Variants in CAMK1D observed in about 807,000 individuals in gnomAD.
CAMK1D encodes the protein calcium/calmodulin dependent protein kinase ID.
Under a neutral mutation model 47.7 loss-of-function variants are expected in CAMK1D, and 9 were observed. That is an observed-to-expected ratio of 0.19 (90% confidence interval 0.11 to 0.33). The LOEUF (loss-of-function observed/expected upper bound fraction) is 0.33. Among genes scored for constraint, CAMK1D ranks in the 10% least tolerant of loss-of-function variants. The pLI is 1.00. For missense variants in CAMK1D, 291 were observed against 488.7 expected (o/e 0.60, Z 3.81); for synonymous variants, 184 against 184.9 (o/e 0.99, Z 0.04).
At chr10:12,760,195 G>T (rs751664381) in intron 3 of CAMK1D, among the ~76,000 whole-genome samples, 2 of 152,126 alleles carry the variant, frequency 1.3e-5, no homozygotes, top group Non-Finnish European at 2.9e-5. Flanking sequence ...CCCCCACAGG[G>T]CTTCTTGACC....
At chr10:12,682,151 C>T (rs370763306) in intron 3 of CAMK1D, among the ~76,000 whole-genome samples, 1 of 152,238 alleles carries the variant, frequency 6.6e-6, no homozygotes, top group Non-Finnish European at 1.5e-5. Context: ...ACCCGGGAGG[C>T]GGAGCTTGCA....
chr10:12,779,294 G>C (rs1003199948), intron 5 of CAMK1D, among the ~76,000 whole-genome samples: 17 of 152,154 alleles, frequency 1.1e-4, no homozygotes, highest in African/African-American at 4.1e-4. Context: ...TATGTATATT[G>C]CCTGCTCAGC....
At position 12,694,133 on chromosome 10, in the gene CAMK1D, TATATATA is replaced by T. The variant is rs1242999094; in HGVS notation, c.299+27329_299+27335del. Reference sequence around the variant, plus strand: ...AATATATATTATGCATAATATATATTATATATAATATAATATATAATATATATTATGC... The same window carrying T: ...AATATATATTATGCATAATATATATTATATAATATATAATATATATTATGC... On this transcript the variant is annotated intron_variant, in intron 3 of 10. Coordinates refer to ENST00000619168, the MANE Select transcript of CAMK1D (RefSeq NM_153498.4). 7.0e-4 allele frequency among the ~76,000 whole-genome samples: 16 copies of T among 22,760 alleles called. 3 individuals are homozygous for T. Among genetic ancestry groups the T allele is most frequent in the African/African-American group, 2.0e-3 (13 of 6,440 alleles). The allele number at this position is 22,760 out of a possible 152,430, so 14.9% of individuals were successfully genotyped here.
intron 3 of CAMK1D, among the ~76,000 whole-genome samples, chr10:12,700,716 A>T (rs532141991): frequency 1.3e-5 from 2 of 152,222 alleles, no homozygotes; most frequent in African/African-American, 4.8e-5. Flanking sequence ...GCAGGAAGGC[A>T]CAGTGTCATC....
intron 3 of CAMK1D, among the ~76,000 whole-genome samples, chr10:12,716,236 A>T (rs897910024): frequency 6.6e-6 from 1 of 151,922 alleles, no homozygotes; most frequent in Non-Finnish European, 1.5e-5. Context: ...GGGGCTGGAG[A>T]ATTCTTTGCT....
intron 1 of CAMK1D, among the ~76,000 whole-genome samples, chr10:12,363,665 G>GTTT (rs1165886868): frequency 9.4e-5 from 11 of 117,072 alleles, no homozygotes; most frequent in East Asian, 2.5e-4. Flanking sequence ...GTTTCCTAAG[G>GTTT]TTTTTTTTTT....
rs1239890359 is a variant in CAMK1D at position 12,481,807 on chromosome 10, C to T, written c.93-71418C>T. ...ACAGGTGTAGGCCACCACGCCTGGC[C>T]TAAACTCTTTCTTGTTGCAATGCCA... On this transcript the variant is annotated intron_variant, in intron 1 of 10. Transcript: ENST00000619168. Among the ~76,000 whole-genome samples the T allele has an allele frequency of 4.6e-5, 7 of 152,158 alleles. No homozygotes were observed. The South Asian group carries it at 8.3e-4, about 18-fold the overall frequency.
At chr10:12,571,765 T>G (rs1314565280) in intron 2 of CAMK1D, among the ~76,000 whole-genome samples, 1 of 152,124 alleles carries the variant, frequency 6.6e-6, no homozygotes, top group Non-Finnish European at 1.5e-5. Context: ...CTACCTGAGC[T>G]CCAAATGGGT....
intron 1 of CAMK1D, among the ~76,000 whole-genome samples, chr10:12,501,767 C>T (rs920086116): frequency 6.6e-6 from 1 of 152,122 alleles, no homozygotes; most frequent in African/African-American, 2.4e-5. Context: ...CCTTAATGCA[C>T]AGCACAGCCT....
intron 2 of CAMK1D, among the ~76,000 whole-genome samples, chr10:12,605,378 AAGAG>A (rs201134594): frequency 2.0e-5 from 2 of 100,694 alleles, no homozygotes; most frequent in African/African-American, 6.5e-5. Flanking sequence ...ATGTGTGTCA[AAGAG>A]AGAGACAGAC....
At chr10:12,564,131 CTCTCTCTCTCTCTCTG>C (rs1349332010) in intron 2 of CAMK1D, among the ~76,000 whole-genome samples, 2 of 95,328 alleles carry the variant, frequency 2.1e-5, no homozygotes, top group African/African-American at 7.3e-5. Context: ...CTCTCTCTCT[CTCTCTCTCTCTCTCTG>C]TCTCTCTCTC....
chr10:12,601,498 C>G (rs1564438287), intron 2 of CAMK1D, among the ~76,000 whole-genome samples: 1 of 152,164 alleles, frequency 6.6e-6, no homozygotes, highest in Admixed American at 6.5e-5. Flanking sequence ...GAGTCTTGCT[C>G]TATTGTCCAG....
chr10:12,470,797 G>A (rs1210835225), intron 1 of CAMK1D, among the ~76,000 whole-genome samples: 1 of 152,182 alleles, frequency 6.6e-6, no homozygotes, highest in Non-Finnish European at 1.5e-5. Flanking sequence ...GATTACAGGC[G>A]TGAGCCACCT....
intron 1 of CAMK1D, among the ~76,000 whole-genome samples, chr10:12,536,832 A>C (rs2132233599): frequency 6.6e-6 from 1 of 151,572 alleles, no homozygotes; most frequent in East Asian, 1.9e-4. Context: ...CTGTTAATGC[A>C]TGTAGATCTC....
At chr10:12,418,872 G>A (rs368692935) in intron 1 of CAMK1D, among the ~76,000 whole-genome samples, 81 of 152,310 alleles carry the variant, frequency 5.3e-4, no homozygotes, top group African/African-American at 1.8e-3. Flanking sequence ...CACCCCTGCC[G>A]AGGGATGTCC....
At chr10:12,452,017 G>A (rs1833097509) in intron 1 of CAMK1D, among the ~76,000 whole-genome samples, 1 of 152,270 alleles carries the variant, frequency 6.6e-6, no homozygotes, top group Non-Finnish European at 1.5e-5. Context: ...TTGAGGGAGA[G>A]GAACCATCCA....
At chr10:12,416,715 C>G (rs933385486) in intron 1 of CAMK1D, among the ~76,000 whole-genome samples, 11 of 152,206 alleles carry the variant, frequency 7.2e-5, no homozygotes, top group Non-Finnish European at 1.5e-4. Flanking sequence ...AGAAGCAGAA[C>G]TCACTTGCCA....
chr10:12,769,387 A>G (rs935469208), intron 4 of CAMK1D, among the ~76,000 whole-genome samples: 1 of 152,260 alleles, frequency 6.6e-6, no homozygotes, highest in African/African-American at 2.4e-5. Context: ...TCTGCAAAGC[A>G]ATCGGCTTTC....
chr10:12,672,900 T>TTTTTTTTTTG (rs1554807921), intron 3 of CAMK1D, among the ~76,000 whole-genome samples: 1 of 147,994 alleles, frequency 6.8e-6, no homozygotes, highest in Non-Finnish European at 1.5e-5. Flanking sequence ...GCTTGCCTTT[T>TTTTTTTTTTG]TTTTTTTTTT....
Sources: allele counts gnomAD v4.1 joint callset (sites outside exome capture counted in the v4.1 genomes callset), GRCh38; gene constraint gnomAD v4.1.1; transcripts MANE v1.5; gene names NCBI Gene and HGNC (gene_info 2026-07-23, HGNC 2026-07-21).